SVOPL: variants seen among roughly 807,000 people sequenced by gnomAD.
The protein encoded by SVOPL is putative transporter SVOPL.
SVOPL carries 60 observed loss-of-function variants against 61.0 expected under a neutral mutation model. That is an observed-to-expected ratio of 0.98 (90% CI 0.80 to 1.22). The LOEUF is 1.22. SVOPL is among the 50% of genes most tolerant of loss of function. The pLI is 0.00. For missense variants in SVOPL, 662 were observed against 643.9 expected (o/e 1.03, Z -0.30); for synonymous variants, 279 against 250.0 (o/e 1.12, Z -1.09).
At chr7:138,616,500 C>A (rs1025288667) in intron 14 of SVOPL, among the ~76,000 whole-genome samples, 1 of 152,068 alleles carries the variant, frequency 6.6e-6, no homozygotes, top group African/African-American at 2.4e-5. Flanking sequence ...ACAAACCCAG[C>A]TAATTTTATA....
At chr7:138,650,089 C>A (rs1387365891) in intron 7 of SVOPL, among the ~76,000 whole-genome samples, 1 of 152,170 alleles carries the variant, frequency 6.6e-6, no homozygotes, top group Non-Finnish European at 1.5e-5. Context: ...CTTGGCCTCC[C>A]AAAGTGCTGG....
intron 14 of SVOPL, among the ~76,000 whole-genome samples, chr7:138,601,251 C>CAA (rs59761826): frequency 0.026 from 2,606 of 98,736 alleles, 49 homozygotes; most frequent in African/African-American, 0.036. Context: ...GATTCCATCT[C>CAA]AAAAAAAAAA....
At chr7:138,652,983 G>A (rs1428538975) in intron 7 of SVOPL, among the ~76,000 whole-genome samples, 1 of 152,178 alleles carries the variant, frequency 6.6e-6, no homozygotes, top group African/African-American at 2.4e-5. Context: ...TGGTAAGAAA[G>A]TGAAACAGCA....
At chr7:138,667,899 C>T (rs566484985) in intron 4 of SVOPL, among the ~76,000 whole-genome samples, 6 of 152,142 alleles carry the variant, frequency 3.9e-5, no homozygotes, top group Non-Finnish European at 5.9e-5. Flanking sequence ...AGATGATAAC[C>T]GCCCTTTCCC....
In SVOPL at chr7:138,629,151, G is replaced by A. The variant is rs868192885; in HGVS notation, c.864-788C>T. 3.9e-3 allele frequency among the ~76,000 whole-genome samples: 375 copies of A among 95,608 alleles called. 2 individuals carry two copies. Among genetic ancestry groups the A allele is most frequent in the African/African-American group, 0.019 (349 of 18,088 alleles). The allele number at this position is 95,608 out of a possible 152,430, so 62.7% of individuals were successfully genotyped here. On this transcript the variant is annotated intron_variant, in intron 10 of 15. Transcript: ENST00000674285. ...TATGTGTGTGTGTGTGTGTGTGTGT[G>A]TGTATATATGTATATATAATTTGCT...
chr7:138,633,023 T>C (rs1800287961), intron 9 of SVOPL, among the ~76,000 whole-genome samples: 1 of 152,140 alleles, frequency 6.6e-6, no homozygotes, highest in Admixed American at 6.6e-5. Context: ...GCTTTCTTCT[T>C]TTAATCATAG....
At chr7:138,613,259 A>T (rs913890600) in intron 14 of SVOPL, among the ~76,000 whole-genome samples, 1 of 151,906 alleles carries the variant, frequency 6.6e-6, no homozygotes, top group African/African-American at 2.4e-5. Context: ...ACTTCAGGTG[A>T]TCCACCCGCC....
intron 9 of SVOPL, among the ~76,000 whole-genome samples, chr7:138,632,443 A>G (rs60872734): frequency 0.044 from 6,640 of 150,016 alleles, 369 homozygotes; most frequent in South Asian, 0.14. Flanking sequence ...TCAAAAAATA[A>G]ACAGACAGAT....
At chr7:138,660,123 T>C in intron 5 of SVOPL, 135 bp from the exon 6 acceptor site, 1 of 1,455,080 alleles carries the variant, frequency 6.9e-7, no homozygotes, top group Middle Eastern at 1.8e-4. Context: ...GCAAGCCCAC[T>C]GGTCTTTCAC....
intron 1 of SVOPL, among the ~76,000 whole-genome samples, chr7:138,696,100 A>G (rs1803059500): frequency 6.6e-6 from 1 of 152,114 alleles, no homozygotes; most frequent in Non-Finnish European, 1.5e-5. Flanking sequence ...ATTTTTAGAA[A>G]GACTGTTTTC....
intron 11 of SVOPL, among the ~76,000 whole-genome samples, 193 bp downstream of exon 11, chr7:138,627,965 C>T (rs1284865845): frequency 6.6e-6 from 1 of 152,156 alleles, no homozygotes; most frequent in East Asian, 1.9e-4. Flanking sequence ...GAATACAGCA[C>T]TTCAAAGGTC....
At chr7:138,654,224 C>A (rs1052937921) in intron 7 of SVOPL, among the ~76,000 whole-genome samples, 2 of 151,342 alleles carry the variant, frequency 1.3e-5, no homozygotes, top group Non-Finnish European at 2.9e-5. Context: ...AGTAGAGTGA[C>A]TATAGTTAAT....
intron 1 of SVOPL, among the ~76,000 whole-genome samples, chr7:138,699,062 G>T (rs1803133445): frequency 6.6e-6 from 1 of 152,204 alleles, no homozygotes. Flanking sequence ...TGAGGCAGGA[G>T]AATTGCTTGA....
intron 14 of SVOPL, among the ~76,000 whole-genome samples, chr7:138,608,263 T>C (rs922604407): frequency 5.3e-5 from 8 of 152,198 alleles, no homozygotes; most frequent in Non-Finnish European, 1.0e-4. Flanking sequence ...TGTTACTAAG[T>C]GATTCTGAAA....
chr7:138,618,852 A>G (rs1799423407), intron 14 of SVOPL, among the ~76,000 whole-genome samples: 1 of 152,244 alleles, frequency 6.6e-6, no homozygotes, highest in Non-Finnish European at 1.5e-5. Context: ...GGGTAGCAGA[A>G]AAATATAACT....
intron 6 of SVOPL, among the ~76,000 whole-genome samples, chr7:138,657,905 TCCTC>T (rs1040370176): frequency 7.2e-5 from 11 of 152,154 alleles, no homozygotes; most frequent in Non-Finnish European, 1.5e-5. Flanking sequence ...AACTGAGGGT[TCCTC>T]CCTATTTTAG....
At chr7:138,668,557 C>T (rs1224773992) in intron 4 of SVOPL, among the ~76,000 whole-genome samples, 3 of 152,158 alleles carry the variant, frequency 2.0e-5, no homozygotes, top group Admixed American at 6.5e-5. Context: ...ATTGGGCATA[C>T]AACTGGAATC....
chr7:138,671,881 A>T, intron 4 of SVOPL, 138 bp downstream of exon 4: 1 of 695,154 alleles, frequency 1.4e-6, no homozygotes, highest in East Asian at 2.7e-5. Context: ...GAAGACATCA[A>T]ATGCTGCAAA....
rs1799701290 is a variant in SVOPL at position 138,622,294 on chromosome 7, C to CTATCTATCTATG, written c.1264-1160_1264-1159insCATAGATAGATA. Among the ~76,000 whole-genome samples, 46 of 103,054 alleles carry CTATCTATCTATG rather than the reference C, an allele frequency of 4.5e-4. 3 individuals are homozygous for CTATCTATCTATG. The highest frequency in any genetic ancestry group is 1.5e-3 in the African/African-American group (41 of 27,204). The allele number at this position is 103,054 out of a possible 152,430, so 67.6% of individuals were successfully genotyped here. A position where few individuals can be genotyped will look rare whatever the true frequency, so the allele number is the denominator to read the frequency against. Reference sequence around the variant, plus strand: ...TGTATCTATCTATCTATCTATCTATCTATCTATCTATCTATCTATCGACAG... The same window carrying CTATCTATCTATG: ...TGTATCTATCTATCTATCTATCTATCTATCTATCTATGTATCTATCTATCTATCTATCGACAG... On this transcript the variant is annotated intron_variant, in intron 13 of 15. Transcript: ENST00000674285.
Sources: gnomAD v4.1 joint callset for allele counts (sites outside exome capture counted in the v4.1 genomes callset) on GRCh38, gnomAD v4.1.1 for gene constraint, MANE v1.5 for transcripts, NCBI Gene and HGNC (gene_info 2026-07-23, HGNC 2026-07-21) for gene names.